Variants in UNC5A observed in about 807,000 individuals in gnomAD.
The protein encoded by UNC5A is netrin receptor UNC5A.
A neutral mutation model predicts 87.4 loss-of-function variants in UNC5A; 20 were observed. The observed-to-expected ratio is 0.23, with a 90% CI of 0.16 to 0.33. The LOEUF (loss-of-function observed/expected upper bound fraction) is 0.33, where lower values mean the gene tolerates loss of function less well. UNC5A is among the 10% of genes least tolerant of loss of function. UNC5A has a pLI of 1.00. For synonymous variants in UNC5A, 438 were observed against 482.3 expected (o/e 0.91, Z 1.20); for missense variants, 844 against 1,133.4 (o/e 0.74, Z 3.67).
At chr5:176,817,202 C>A (rs1756609933) in intron 1 of UNC5A, among the ~76,000 whole-genome samples, 1 of 145,278 alleles carries the variant, frequency 6.9e-6, no homozygotes, top group African/African-American at 2.6e-5. Flanking sequence ...CTCTCCCACA[C>A]TGGGATATCA....
chr5:176,851,003 G>T (rs1219265949), intron 1 of UNC5A, among the ~76,000 whole-genome samples: 1 of 150,868 alleles, frequency 6.6e-6, no homozygotes, highest in Non-Finnish European at 1.5e-5. Flanking sequence ...TGGGGCTGGG[G>T]TCCCTGGGCC....
At chr5:176,854,292 GTCTC>G (rs1216736012) in intron 1 of UNC5A, among the ~76,000 whole-genome samples, 1 of 131,684 alleles carries the variant, frequency 7.6e-6, no homozygotes, top group East Asian at 2.0e-4. Context: ...CCCTGTCTCT[GTCTC>G]TCTCTGTCTC....
intron 1 of UNC5A, among the ~76,000 whole-genome samples, chr5:176,828,777 ATGGATGGGTGATTGGATGGCTGGG>A (rs1465718285): frequency 6.6e-6 from 1 of 152,046 alleles, no homozygotes; most frequent in Non-Finnish European, 1.5e-5. Context: ...TCATGGATGG[ATGGATGGGTGATTGGATGGCTGGG>A]TGGATGGGTG....
intron 1 of UNC5A, among the ~76,000 whole-genome samples, chr5:176,849,657 C>T (rs911961305): frequency 6.6e-6 from 1 of 152,162 alleles, no homozygotes; most frequent in Non-Finnish European, 1.5e-5. Flanking sequence ...CCCAGCCCCA[C>T]CCAGCCCCTG....
chr5:176,847,789 C>G (rs1402706590), intron 1 of UNC5A, among the ~76,000 whole-genome samples: 1 of 152,134 alleles, frequency 6.6e-6, no homozygotes, highest in Non-Finnish European at 1.5e-5. Flanking sequence ...CTTCAAGAGC[C>G]CCTAAATCTT....
chr5:176,826,102 G>A (rs374371475), intron 1 of UNC5A, among the ~76,000 whole-genome samples: 1 of 152,370 alleles, frequency 6.6e-6, no homozygotes, highest in South Asian at 2.1e-4. Context: ...GATGACTTGT[G>A]TCTGTGTTCA....
rs1182955688 is a variant in UNC5A at position 176,880,196 on chromosome 5, G to A, written c.*310G>A. 1.3e-5 allele frequency: 4 copies of A among 297,986 alleles called. No individual in the cohort carries two copies. The highest frequency in any genetic ancestry group is 5.2e-5 in the South Asian group (1 of 19,344). The allele number at this position is 297,986 out of a possible 1,614,324, so 18.5% of individuals were successfully genotyped here. On this transcript the variant is annotated 3_prime_UTR_variant, in exon 15 of 15. Coordinates refer to ENST00000329542, the MANE Select transcript of UNC5A (RefSeq NM_133369.3). ...TGCGTGTGATGCTACCTCTCCTCCC[G>A]TCCCTCTCCAGGGGCCCCGCATACA...
Position 176,877,955 on chromosome 5 carries a change from G to C in UNC5A, c.1697G>C (p.Ser566Thr). 1 of 1,604,300 alleles carries C rather than the reference G, an allele frequency of 6.2e-7. No homozygotes were observed. The highest frequency in any genetic ancestry group is 1.1e-5 in the South Asian group (1 of 91,068). The stretch of plus-strand genomic sequence containing the variant: ...CTCTACTACTGCCAGCTGGAGGCCA[G>C]TGCCTGCTACGTCTTCACCGAGCAG... ...SHLYYCQLEA[S>T]ACYVFTEQLG... is the part of the protein sequence containing the mutation. The change falls in exon 11 of 15, where the codon AGT (serine) becomes ACT (threonine). Residue 566 changes from serine to threonine, a missense_variant. Transcript: ENST00000329542.
intron 1 of UNC5A, among the ~76,000 whole-genome samples, chr5:176,818,597 C>A (rs539864105): frequency 6.6e-6 from 1 of 152,196 alleles, no homozygotes; most frequent in Non-Finnish European, 1.5e-5. Context: ...GAGGTCACAC[C>A]GCAGGAAGTG....
chr5:176,863,122 G>A (rs766375770), intron 2 of UNC5A, among the ~76,000 whole-genome samples: 7 of 152,258 alleles, frequency 4.6e-5, no homozygotes, highest in African/African-American at 9.6e-5. Flanking sequence ...ACCCACTCCC[G>A]TGCTGGGGAC....
intron 1 of UNC5A, among the ~76,000 whole-genome samples, chr5:176,816,819 G>A (rs777768149): frequency 6.6e-5 from 10 of 152,252 alleles, no homozygotes; most frequent in South Asian, 2.1e-4. Context: ...CCTCTCCTTC[G>A]GGAAGTGGGG....
intron 1 of UNC5A, among the ~76,000 whole-genome samples, chr5:176,825,388 G>A (rs1251173439): frequency 2.6e-5 from 4 of 152,178 alleles, no homozygotes; most frequent in African/African-American, 4.8e-5. Context: ...CGAAGGACCC[G>A]CCGATGAGGC....
At chr5:176,830,654 G>T (rs1756986387) in intron 1 of UNC5A, among the ~76,000 whole-genome samples, 1 of 148,172 alleles carries the variant, frequency 6.7e-6, no homozygotes, top group Admixed American at 6.7e-5. Flanking sequence ...GTGCATTTGT[G>T]TGTGTGTGCT....
At position 176,862,783 on chromosome 5, in the gene UNC5A, G is replaced by A. The variant is rs1757873372; in HGVS notation, c.230G>A (p.Cys77Tyr). 1 of 1,613,528 alleles carries A rather than the reference G, an allele frequency of 6.2e-7. No homozygotes were observed. Among genetic ancestry groups the A allele is most frequent in the Non-Finnish European group, 8.5e-7 (1 of 1,179,934 alleles). Residue 77 changes from cysteine (C) to tyrosine (Y), a missense_variant, in exon 2 of 15, where the codon TGC becomes TAC. By Grantham distance (194) the Cys-to-Tyr change is radical. Transcript: ENST00000329542. Reference protein sequence around the residue: ...AVPATQIFFKCNGEWVRQVDH... With the variant: ...AVPATQIFFKYNGEWVRQVDH... ...CCCGCCACGCAGATCTTCTTCAAGT[G>A]CAACGGGGAGTGGGTGCGCCAGGTG...
intron 1 of UNC5A, among the ~76,000 whole-genome samples, chr5:176,829,881 C>CTTTGTTTTTTTTTTTTTT: frequency 1.1e-5 from 1 of 87,368 alleles, no homozygotes; most frequent in Middle Eastern, 7.8e-3. Flanking sequence ...ATCACTGCTC[C>CTTTGTTTTTTTTTTTTTT]TTTTTTTTTT....
intron 1 of UNC5A, among the ~76,000 whole-genome samples, chr5:176,832,414 G>T (rs376617728): frequency 2.6e-5 from 4 of 152,184 alleles, no homozygotes; most frequent in Non-Finnish European, 5.9e-5. Context: ...GCTAGCTCTC[G>T]TAGTAATTCT....
rs1198021747 is a variant in UNC5A at position 176,843,168 on chromosome 5, AAAAAAAAG to A, written c.71-19452_71-19445del. Among the ~76,000 whole-genome samples, 134 of 150,526 alleles carry A rather than the reference AAAAAAAAG, an allele frequency of 8.9e-4. 1 individual carries two copies. Among genetic ancestry groups the A allele is most frequent in the African/African-American group, 3.3e-3 (133 of 40,042 alleles). On this transcript the variant is annotated intron_variant, in intron 1 of 14. Coordinates refer to ENST00000329542, the MANE Select transcript of UNC5A (RefSeq NM_133369.3). ...AAGAGTGAAACTCTGTCTCAAAAAA[AAAAAAAAG>A]AAAGAAAGAAAGAAAGAAAAAAAGA...
At position 176,868,623 on chromosome 5, in the gene UNC5A, G is replaced by A. The variant is rs150169358; in HGVS notation, c.499G>A (p.Val167Met). The A allele has an allele frequency of 4.0e-5, 65 of 1,606,000 alleles. No individual in the cohort carries two copies. The African/African-American group carries it at 7.5e-4, about 18-fold the overall frequency. ...GGAGGTGTCCCTGGAGCAGGGCATC[G>A]TGCTGCCCTGCCGTCCACCGGAGGG... Reference protein sequence around the residue: ...AKEVSLEQGIVLPCRPPEGIP... With the variant: ...AKEVSLEQGIMLPCRPPEGIP... Residue 167 changes from valine (V) to methionine (M), a missense_variant, in exon 4 of 15, where the codon GTG becomes ATG. By Grantham distance (21) the Val-to-Met change is conservative (BLOSUM62 1). Transcript: ENST00000329542.
At chr5:176,845,762 C>T (rs1757388784) in intron 1 of UNC5A, among the ~76,000 whole-genome samples, 1 of 152,224 alleles carries the variant, frequency 6.6e-6, no homozygotes, top group African/African-American at 2.4e-5. Context: ...TACAGTGCAA[C>T]AGGGCACTAT....
Sources: gnomAD v4.1 joint callset for allele counts (sites outside exome capture counted in the v4.1 genomes callset) on GRCh38, gnomAD v4.1.1 for gene constraint, MANE v1.5 for transcripts, NCBI Gene and HGNC (gene_info 2026-07-23, HGNC 2026-07-21) for gene names.